ZNF827: variants seen among roughly 807,000 people sequenced by gnomAD.
The protein encoded by ZNF827 is zinc finger protein 827.
In ZNF827, 13 loss-of-function variants were observed where a neutral mutation model predicts 102.4. The observed-to-expected ratio is 0.13, with a 90% CI of 0.08 to 0.20. The LOEUF is 0.20. ZNF827 is among the 10% of genes least tolerant of loss of function. The pLI is 1.00. For synonymous variants in ZNF827, 523 were observed against 536.2 expected, an observed-to-expected ratio of 0.98 and a Z score of 0.34; for missense variants, 1,103 against 1,344.4, an observed-to-expected ratio of 0.82 and a Z score of 2.81.
chr4:145,787,478 A>G (rs1029236886), intron 8 of ZNF827, among the ~76,000 whole-genome samples: 2 of 151,930 alleles, frequency 1.3e-5, no homozygotes, highest in Non-Finnish European at 2.9e-5. Context: ...AAAAAAAAAA[A>G]AAAAAAGAAA....
chr4:145,924,332 G>A (rs577841651), intron 1 of ZNF827, among the ~76,000 whole-genome samples: 3 of 152,138 alleles, frequency 2.0e-5, no homozygotes, highest in African/African-American at 2.4e-5. Flanking sequence ...TAAACTGGGC[G>A]GTAGGTTTAC....
chr4:145,837,568 A>C (rs1380103355), intron 7 of ZNF827, among the ~76,000 whole-genome samples: 1 of 152,116 alleles, frequency 6.6e-6, no homozygotes, highest in African/African-American at 2.4e-5. Context: ...TCTTGTTTAC[A>C]CTGCCGGTTT....
intron 1 of ZNF827, among the ~76,000 whole-genome samples, chr4:145,934,891 T>G (rs2058644664): frequency 6.6e-6 from 1 of 152,224 alleles, no homozygotes; most frequent in Admixed American, 6.5e-5. Flanking sequence ...TCAGTTTTCA[T>G]AAGTTCCTTT....
intron 8 of ZNF827, among the ~76,000 whole-genome samples, chr4:145,792,504 A>G (rs1739844422): frequency 6.6e-6 from 1 of 151,942 alleles, no homozygotes; most frequent in African/African-American, 2.4e-5. Context: ...AGAAATATAT[A>G]TATCCAAAAG....
At chr4:145,911,227 C>T (rs1424135379) in intron 1 of ZNF827, among the ~76,000 whole-genome samples, 3 of 152,092 alleles carry the variant, frequency 2.0e-5, no homozygotes, top group East Asian at 1.9e-4. Context: ...TTAAAGTCGC[C>T]GCCCCCTCTA....
At chr4:145,865,548 G>C (rs908235212) in intron 5 of ZNF827, among the ~76,000 whole-genome samples, 1 of 152,218 alleles carries the variant, frequency 6.6e-6, no homozygotes, top group South Asian at 2.1e-4. Flanking sequence ...CATCTCTAAC[G>C]CTTCCTTATC....
chr4:145,879,122 A>T (rs969194314), intron 4 of ZNF827, among the ~76,000 whole-genome samples: 10 of 146,496 alleles, frequency 6.8e-5, no homozygotes, highest in African/African-American at 2.2e-4. Flanking sequence ...CTCAACTGAG[A>T]AAAAAAAAAT....
Position 145,902,049 on chromosome 4 carries a change from C to T in ZNF827, c.1093+117G>A. The T allele has an allele frequency of 1.2e-5, 17 of 1,360,042 alleles. No individual in the cohort carries two copies. The highest frequency in any genetic ancestry group is 1.7e-5 in the Non-Finnish European group (17 of 1,015,378). The allele number at this position is 1,360,042 out of a possible 1,614,324, so 84.2% of individuals were successfully genotyped here. A position where few individuals can be genotyped will look rare whatever the true frequency, so the allele number is the denominator to read the frequency against. On this transcript the variant is annotated intron_variant, in intron 2 of 14. Transcript: ENST00000508784. The surrounding 1 kb of genome is among the most constrained non-coding windows in gnomAD (Gnocchi z 4.3). ...TTAAAGTATTTTTGTTGTGCTCTTG[C>T]TTTTTTATTCCTGCCTCAGATCAGA...
intron 7 of ZNF827, chr4:145,832,153 T>A (rs1426915042): frequency 6.6e-6 from 1 of 152,126 alleles, no homozygotes; most frequent in Non-Finnish European, 1.5e-5. Flanking sequence ...TAGTCCCAGC[T>A]ACATGAGAGG....
chr4:145,810,992 G>A (rs1215217243), intron 8 of ZNF827, among the ~76,000 whole-genome samples: 1 of 135,470 alleles, frequency 7.4e-6, no homozygotes, highest in Non-Finnish European at 1.6e-5. Context: ...AACTCATTTC[G>A]CTTTTTTTTT....
chr4:145,836,324 C>T (rs571986355), intron 7 of ZNF827, among the ~76,000 whole-genome samples: 2 of 152,060 alleles, frequency 1.3e-5, no homozygotes, highest in Non-Finnish European at 2.9e-5. Flanking sequence ...GAGCCAGGAC[C>T]ACACCCTGTA....
intron 5 of ZNF827, among the ~76,000 whole-genome samples, chr4:145,861,894 G>A (rs527676952): frequency 2.0e-5 from 3 of 152,288 alleles, no homozygotes; most frequent in East Asian, 1.9e-4. Flanking sequence ...GCAGCTATGC[G>A]ACAGGGAGAT....
intron 1 of ZNF827, among the ~76,000 whole-genome samples, chr4:145,913,522 C>T (rs1752451234): frequency 6.6e-6 from 1 of 150,886 alleles, no homozygotes; most frequent in Admixed American, 6.6e-5. Flanking sequence ...CTCATCCTTA[C>T]ATCCTTACTC....
chr4:145,936,633 C>T (rs1004670678), intron 1 of ZNF827, among the ~76,000 whole-genome samples: 4 of 152,092 alleles, frequency 2.6e-5, no homozygotes, highest in African/African-American at 7.2e-5. Context: ...GCAGCCCGCG[C>T]CCCCCTCCCG....
At chr4:145,835,683 A>AC (rs1443895638) in intron 7 of ZNF827, among the ~76,000 whole-genome samples, 4 of 142,104 alleles carry the variant, frequency 2.8e-5, no homozygotes, top group Non-Finnish European at 6.1e-5. Context: ...CCGATCATGC[A>AC]CCCCTTACCA....
At chr4:145,892,537 A>G in intron 2 of ZNF827, 122 bp from the exon 3 acceptor site, 1 of 1,074,076 alleles carries the variant, frequency 9.3e-7, no homozygotes, top group Non-Finnish European at 1.3e-6. Flanking sequence ...TTTTCTTGAC[A>G]ATTCCGAGAT....
chr4:145,812,334 C>T (rs1312005107), intron 8 of ZNF827, among the ~76,000 whole-genome samples: 2 of 152,070 alleles, frequency 1.3e-5, no homozygotes, highest in Non-Finnish European at 2.9e-5. Context: ...GAGTATTGGA[C>T]TCTCACATCA....
Position 145,841,071 on chromosome 4 carries a change from C to T in ZNF827, c.2279+4885G>A, listed in dbSNP as rs116696453. 3.1e-3 allele frequency among the ~76,000 whole-genome samples: 473 copies of T among 152,266 alleles called. 1 individual carries two copies. Among genetic ancestry groups the T allele is most frequent in the African/African-American group, 0.01 (433 of 41,558 alleles). On this transcript the variant is annotated intron_variant, in intron 7 of 14. Transcript: ENST00000508784. ...TTCCTTGCTTTTGGAACAAAGCAAG[C>T]CAGGTGTGAGAAAGTATTTGTTATA...
In ZNF827 at chr4:145,885,745, A is replaced by T. The variant is rs1321467012; in HGVS notation, c.1680T>A (p.Ser560Arg). The T allele has an allele frequency of 6.3e-7, 1 of 1,591,278 alleles. No homozygotes were observed. Among genetic ancestry groups the T allele is most frequent in the South Asian group, 1.2e-5 (1 of 86,058 alleles). The change falls in exon 4 of 15, where the codon AGT becomes AGA. Residue 560 changes from serine to arginine, a missense_variant. By Grantham distance (110) the Ser-to-Arg change is moderately radical. Coordinates refer to ENST00000508784, the MANE Select transcript of ZNF827 (RefSeq NM_001306215.2). ...TGTCCTGGCTGAACAATGCTGACGCACTGTTGGCCACATACTCGGAGGGGT... is the reference window on the plus strand; with the variant it reads ...TGTCCTGGCTGAACAATGCTGACGCTCTGTTGGCCACATACTCGGAGGGGT... Reference protein sequence around the residue: ...LKDPSEYVANSASALFSQDIS... With the variant: ...LKDPSEYVANRASALFSQDIS...
Sources: gnomAD v4.1 joint callset for allele counts (sites outside exome capture counted in the v4.1 genomes callset) on GRCh38, gnomAD v4.1.1 for gene constraint, Gnocchi (gnomAD v3.1) non-coding constraint, MANE v1.5 for transcripts, NCBI Gene and HGNC (gene_info 2026-07-23, HGNC 2026-07-21) for gene names.